Variants in LIN28B observed in about 807,000 individuals in gnomAD.
LIN28B encodes the protein protein lin-28 homolog B.
LIN28B carries 5 observed loss-of-function variants against 21.9 expected under a neutral mutation model. The ratio of observed to expected loss-of-function variants is 0.23; its 90% CI spans 0.12 to 0.48. LIN28B has a LOEUF of 0.48. Ranked by LOEUF, LIN28B falls within the 20% of genes least tolerant of loss-of-function variation. The probability of loss-of-function intolerance (pLI) is 0.98; values close to 1 mark genes in which losing one functional copy is unlikely to be tolerated. For missense variants in LIN28B, 245 were observed against 310.5 expected (o/e 0.79, Z 1.58); for synonymous variants, 109 against 111.3 (o/e 0.98, Z 0.13).
intron 2 of LIN28B, among the ~76,000 whole-genome samples, chr6:104,991,194 C>A (rs1770466530): frequency 6.6e-6 from 1 of 150,614 alleles, no homozygotes; most frequent in Non-Finnish European, 1.5e-5. Context: ...GAGACGCCCC[C>A]CACCTCCCTC....
chr6:105,002,127 TC>T (rs1408797950), intron 2 of LIN28B, among the ~76,000 whole-genome samples: 3 of 151,756 alleles, frequency 2.0e-5, no homozygotes, highest in African/African-American at 7.3e-5. Flanking sequence ...CCTTCTGTGA[TC>T]ATTGGAGCAG....
intron 3 of LIN28B, among the ~76,000 whole-genome samples, chr6:105,044,963 T>A (rs888025243): frequency 6.6e-6 from 1 of 152,126 alleles, no homozygotes; most frequent in Admixed American, 6.5e-5. Context: ...GCCCAGGAGT[T>A]CGAGACCAGC....
At chr6:104,966,825 G>A (rs1769870091) in intron 2 of LIN28B, among the ~76,000 whole-genome samples, 1 of 152,152 alleles carries the variant, frequency 6.6e-6, no homozygotes, top group Non-Finnish European at 1.5e-5. Context: ...GTTTCACCGA[G>A]TTAGCCAGGA....
At chr6:105,069,357 G>T (rs1257252451) in intron 3 of LIN28B, among the ~76,000 whole-genome samples, 3 of 152,178 alleles carry the variant, frequency 2.0e-5, no homozygotes, top group Non-Finnish European at 4.4e-5. Flanking sequence ...AGAATTAAAA[G>T]AGTTATTATG....
intron 3 of LIN28B, among the ~76,000 whole-genome samples, chr6:104,950,737 C>T (rs1743756216): frequency 6.6e-6 from 1 of 151,818 alleles, no homozygotes; most frequent in Non-Finnish European, 1.5e-5. Flanking sequence ...CCCCTTTCCC[C>T]CCACCCCCAC....
chr6:105,067,330 G>A (rs887714032), intron 3 of LIN28B, among the ~76,000 whole-genome samples: 1 of 152,200 alleles, frequency 6.6e-6, no homozygotes, highest in East Asian at 1.9e-4. Context: ...TAAACCTGCA[G>A]TTAGGATAGT....
chr6:104,948,676 A>G (rs1457059788), intron 2 of LIN28B, among the ~76,000 whole-genome samples: 1 of 152,198 alleles, frequency 6.6e-6, no homozygotes, highest in Non-Finnish European at 1.5e-5. Flanking sequence ...TTCAGTCAAT[A>G]TTGGATGGAT....
At chr6:105,002,880 G>A (rs1770745810) in intron 2 of LIN28B, among the ~76,000 whole-genome samples, 2 of 152,168 alleles carry the variant, frequency 1.3e-5, no homozygotes, top group Non-Finnish European at 2.9e-5. Flanking sequence ...GTGTTATGCT[G>A]TAAAATACTA....
intron 2 of LIN28B, among the ~76,000 whole-genome samples, chr6:104,972,847 A>C (rs1007382223): frequency 2.0e-5 from 3 of 152,172 alleles, no homozygotes; most frequent in Non-Finnish European, 4.4e-5. Context: ...ATGGTGGCTC[A>C]TGCCTGTAAT....
At chr6:105,034,977 A>G (rs1295762623) in intron 3 of LIN28B, among the ~76,000 whole-genome samples, 1 of 151,940 alleles carries the variant, frequency 6.6e-6, no homozygotes, top group African/African-American at 2.4e-5. Context: ...AAAACTAACT[A>G]GTGGTAATTC....
At chr6:105,003,827 A>G (rs940284502) in intron 2 of LIN28B, among the ~76,000 whole-genome samples, 2 of 152,216 alleles carry the variant, frequency 1.3e-5, no homozygotes, top group African/African-American at 4.8e-5. Flanking sequence ...TGTTTTTTCA[A>G]TTTAATTTTA....
intron 2 of LIN28B, among the ~76,000 whole-genome samples, chr6:104,997,898 T>A (rs1582886851): frequency 6.6e-6 from 1 of 152,198 alleles, no homozygotes; most frequent in East Asian, 1.9e-4. Context: ...GCCTTTTTGA[T>A]GAGCTTGTCT....
intron 3 of LIN28B, among the ~76,000 whole-genome samples, chr6:105,063,644 G>GC (rs1490125577): frequency 7.1e-6 from 1 of 141,324 alleles, no homozygotes; most frequent in African/African-American, 2.6e-5. Context: ...TCGGGGGGGG[G>GC]GGGGAAAAAA....
intron 2 of LIN28B, among the ~76,000 whole-genome samples, chr6:104,992,559 G>GC (rs1475598827): frequency 6.6e-6 from 1 of 151,172 alleles, no homozygotes; most frequent in Non-Finnish European, 1.5e-5. Context: ...AGGCTGGAAT[G>GC]CAGTGGCATA....
chr6:105,013,805 C>A (rs183033197), intron 2 of LIN28B, among the ~76,000 whole-genome samples: 1 of 151,606 alleles, frequency 6.6e-6, no homozygotes, highest in Non-Finnish European at 1.5e-5. Context: ...TTTAAGCGAC[C>A]TTTTGTTCCT....
intron 3 of LIN28B, among the ~76,000 whole-genome samples, chr6:105,071,038 G>T (rs939903303): frequency 6.6e-6 from 1 of 152,024 alleles, no homozygotes; most frequent in Non-Finnish European, 1.5e-5. Context: ...TACCATGCCT[G>T]GCTAAGTTTT....
intron 3 of LIN28B, among the ~76,000 whole-genome samples, chr6:105,071,618 T>C (rs1424013380): frequency 6.6e-6 from 1 of 152,182 alleles, no homozygotes; most frequent in Admixed American, 6.5e-5. Flanking sequence ...AGAGTATGTG[T>C]ATTAATATTT....
At chr6:104,972,356 T>TA (rs942269733) in intron 2 of LIN28B, among the ~76,000 whole-genome samples, 8 of 151,322 alleles carry the variant, frequency 5.3e-5, no homozygotes, top group African/African-American at 7.3e-5. Flanking sequence ...ACCCAGGCTT[T>TA]AAAAAAAAAT....
At chr6:104,980,202 G>A (rs1770190355) in intron 2 of LIN28B, among the ~76,000 whole-genome samples, 1 of 152,096 alleles carries the variant, frequency 6.6e-6, no homozygotes, top group African/African-American at 2.4e-5. Flanking sequence ...AATGCATAAA[G>A]TAATTATGTT....
Sources: allele counts gnomAD v4.1 joint callset (sites outside exome capture counted in the v4.1 genomes callset), GRCh38; gene constraint gnomAD v4.1.1; transcripts MANE v1.5; gene names NCBI Gene and HGNC (gene_info 2026-07-23, HGNC 2026-07-21).